SVEP1: variants seen among roughly 807,000 people sequenced by gnomAD.
SVEP1 encodes sushi, von Willebrand factor type A, EGF and pentraxin domain containing 1.
Under a neutral mutation model 367.3 loss-of-function variants are expected in SVEP1, and 164 were observed. That is an observed-to-expected ratio of 0.45 (90% CI 0.39 to 0.51). The LOEUF (loss-of-function observed/expected upper bound fraction) is 0.51, where lower values mean the gene tolerates loss of function less well. SVEP1 is among the 20% of genes least tolerant of loss of function. The pLI is 0.00. For missense variants in SVEP1, 4,117 were observed against 4,425.3 expected, an observed-to-expected ratio of 0.93 and a Z score of 1.98; for synonymous variants, 1,666 against 1,611.6, an observed-to-expected ratio of 1.03 and a Z score of -0.81.
intron 38 of SVEP1, 110 bp downstream of exon 38, chr9:110,406,049 GA>G: frequency 7.4e-6 from 10 of 1,345,558 alleles, no homozygotes; most frequent in Non-Finnish European, 9.8e-6. Flanking sequence ...AGTGTTTGGA[GA>G]GCAGTTCAGA....
At chr9:110,575,036 C>T (rs1218401969) in intron 1 of SVEP1, among the ~76,000 whole-genome samples, 4 of 152,110 alleles carry the variant, frequency 2.6e-5, no homozygotes, top group Non-Finnish European at 5.9e-5. Flanking sequence ...TGAGCCACCG[C>T]GCCTGGCCGA....
At chr9:110,511,724 A>C (rs1359093198) in intron 5 of SVEP1, among the ~76,000 whole-genome samples, 1 of 152,020 alleles carries the variant, frequency 6.6e-6, no homozygotes, top group African/African-American at 2.4e-5. Flanking sequence ...TTACATTTAT[A>C]GATGAGTTCA....
At chr9:110,488,673 G>A (rs1829322420) in intron 9 of SVEP1, among the ~76,000 whole-genome samples, 1 of 151,674 alleles carries the variant, frequency 6.6e-6, no homozygotes, top group Non-Finnish European at 1.5e-5. Flanking sequence ...ATCAGTCTGG[G>A]AACACAGTGA....
chr9:110,471,966 G>T (rs906766580), intron 15 of SVEP1, among the ~76,000 whole-genome samples, 193 bp downstream of exon 15: 2 of 151,980 alleles, frequency 1.3e-5, no homozygotes, highest in Non-Finnish European at 2.9e-5. Flanking sequence ...GGTGCTTTTC[G>T]CCGTGAGACC....
In SVEP1 at chr9:110,411,036, C is replaced by A. The variant is rs776072740; in HGVS notation, c.6648+27G>T. 5.3e-6 allele frequency: 8 copies of A among 1,522,638 alleles called. No individual in the cohort carries two copies. In the Admixed American group the frequency reaches 1.7e-4, roughly 33 times the overall value. The allele number at this position is 1,522,638 out of a possible 1,614,324, so 94.3% of individuals were successfully genotyped here. On this transcript the variant is annotated intron_variant, in intron 37 of 47. Transcript: ENST00000374469. ...ATTATGGGCCCTGTGACAAAAGCCA[C>A]AGACCATTTGCTAATTGGTCTCTTA...
intron 21 of SVEP1, among the ~76,000 whole-genome samples, chr9:110,456,443 T>A (rs1828777018): frequency 6.6e-6 from 1 of 152,210 alleles, no homozygotes. Context: ...AAGGTAAATA[T>A]TTTTATAAAA....
chr9:110,456,267 A>G (rs923988003), intron 21 of SVEP1, among the ~76,000 whole-genome samples: 21 of 152,262 alleles, frequency 1.4e-4, no homozygotes, highest in African/African-American at 4.8e-4. Context: ...CCACTGAATT[A>G]GAAATTCTGG....
chr9:110,368,826 A>G (rs1322956415), intron 47 of SVEP1, among the ~76,000 whole-genome samples: 1 of 152,142 alleles, frequency 6.6e-6, no homozygotes, highest in African/African-American at 2.4e-5. Context: ...CTCCTTTTGC[A>G]GAGATGGCAT....
chr9:110,407,806 C>G lies in SVEP1; in HGVS notation c.7794G>C (p.Glu2598Asp). Reference protein sequence around the residue: ...VAGHAMQTCEESGWSSSIPTC... With the variant: ...VAGHAMQTCEDSGWSSSIPTC... ...TTGGGATGGAACTTGACCATCCTGACTCTTCACAGGTCTGCATGGCATGAC... is the reference window on the plus strand; with the variant it reads ...TTGGGATGGAACTTGACCATCCTGAGTCTTCACAGGTCTGCATGGCATGAC... The change falls in exon 38 of 48, where the codon GAG becomes GAC. Residue 2598 changes from glutamate to aspartate, a missense_variant. Coordinates refer to ENST00000374469, the MANE Select transcript of SVEP1 (RefSeq NM_153366.4). 5.0e-6 allele frequency: 8 copies of G among 1,614,026 alleles called. No individual in the cohort carries two copies. The highest frequency in any genetic ancestry group is 6.8e-6 in the Non-Finnish European group (8 of 1,179,906).
In SVEP1 at chr9:110,471,478, T is replaced by A. The variant is rs143521237; in HGVS notation, c.2884A>T (p.Met962Leu). The change falls in exon 16 of 48, where the codon ATG (methionine) becomes TTG (leucine). Residue 962 changes from methionine (M) to leucine (L), a missense_variant. Around this residue, in one of 4 missense-constraint regions of SVEP1, gnomAD observed 2,174 missense variants for 2,494.3 expected, o/e 0.87. Coordinates refer to ENST00000374469, the MANE Select transcript of SVEP1 (RefSeq NM_153366.4). Reference protein sequence around the residue: ...KLKRTLNKDPMYSFQLASEIL... With the variant: ...KLKRTLNKDPLYSFQLASEIL... ...TCTGATGCAAGCTGAAAGGAATACATGGGGTCTTTGTTGAGAGTCCTTTTC... is the reference window on the plus strand; with the variant it reads ...TCTGATGCAAGCTGAAAGGAATACAAGGGGTCTTTGTTGAGAGTCCTTTTC... 1.2e-3 allele frequency: 1,987 copies of A among 1,613,966 alleles called. 22 individuals are homozygous for A. In the African/African-American group the frequency reaches 0.022, roughly 18 times the overall value.
chr9:110,559,946 T>C (rs1311900554), intron 1 of SVEP1, among the ~76,000 whole-genome samples: 1 of 152,124 alleles, frequency 6.6e-6, no homozygotes, highest in Non-Finnish European at 1.5e-5. Context: ...TATATGTACA[T>C]GACATTAGTG....
chr9:110,428,419 C>CACACACAA (rs61411984), intron 35 of SVEP1, among the ~76,000 whole-genome samples: 2 of 151,520 alleles, frequency 1.3e-5, no homozygotes, highest in Non-Finnish European at 2.9e-5. Flanking sequence ...CACACACACA[C>CACACACAA]ACACACACAC....
Position 110,408,329 on chromosome 9 carries a change from G to A in SVEP1, c.7271C>T (p.Pro2424Leu). The A allele has an allele frequency of 1.9e-6, 3 of 1,613,922 alleles. No individual in the cohort carries two copies. The highest frequency in any genetic ancestry group is 2.2e-5 in the East Asian group (1 of 44,878). Reference sequence around the variant, plus strand: ...CAGTGGAGAGCTCCAGGTGCCATCAGGTTGGCAGAGGGTGGTAGAATTTCC... The same window carrying A: ...CAGTGGAGAGCTCCAGGTGCCATCAAGTTGGCAGAGGGTGGTAGAATTTCC... Reference protein sequence around the residue: ...LRGNSTTLCQPDGTWSSPLPE... With the variant: ...LRGNSTTLCQLDGTWSSPLPE... Residue 2424 changes from proline to leucine, a missense_variant, in exon 38 of 48, where the codon CCT becomes CTT. Coordinates refer to ENST00000374469, the MANE Select transcript of SVEP1 (RefSeq NM_153366.4).
At chr9:110,511,013 T>G (rs1160224637) in intron 5 of SVEP1, among the ~76,000 whole-genome samples, 3 of 152,180 alleles carry the variant, frequency 2.0e-5, no homozygotes, top group Admixed American at 1.3e-4. Flanking sequence ...CAACACAGTC[T>G]TATTTTCTAA....
intron 34 of SVEP1, among the ~76,000 whole-genome samples, chr9:110,429,645 T>C (rs1053456403): frequency 3.6e-4 from 55 of 152,174 alleles, no homozygotes; most frequent in African/African-American, 1.2e-3. Flanking sequence ...ACATCAAGAG[T>C]ATTCATTAGC....
At chr9:110,501,860 A>G (rs530325911) in intron 6 of SVEP1, among the ~76,000 whole-genome samples, 5 of 152,238 alleles carry the variant, frequency 3.3e-5, no homozygotes, top group African/African-American at 1.2e-4. Context: ...CTTAATTTTA[A>G]CTCCCTTTTG....
At chr9:110,575,189 G>A (rs547036955) in intron 1 of SVEP1, among the ~76,000 whole-genome samples, 2 of 152,342 alleles carry the variant, frequency 1.3e-5, no homozygotes, top group South Asian at 2.1e-4. Flanking sequence ...CCAGGCTGAA[G>A]AGCAGCACTG....
chr9:110,390,286 CA>C (rs1827626930), intron 40 of SVEP1, among the ~76,000 whole-genome samples: 2 of 39,942 alleles, frequency 5.0e-5, no homozygotes, highest in African/African-American at 3.5e-4. Flanking sequence ...TATATATATA[CA>C]TACTTATATA....
chr9:110,443,813 T>C, intron 26 of SVEP1, 93 bp from the exon 27 acceptor site: 7 of 1,153,290 alleles, frequency 6.1e-6, no homozygotes, highest in Non-Finnish European at 8.1e-6. Flanking sequence ...CTTTTTCTTT[T>C]TTTGTGGGTA....
Sources: allele counts gnomAD v4.1 joint callset (sites outside exome capture counted in the v4.1 genomes callset), GRCh38; gene constraint gnomAD v4.1.1; regional missense constraint gnomAD v4.1.1; transcripts MANE v1.5; gene names NCBI Gene and HGNC (gene_info 2026-07-23, HGNC 2026-07-21).